Variants in ITPR1 observed in about 807,000 individuals in gnomAD.
The protein encoded by ITPR1 is inositol 1,4,5-trisphosphate-gated calcium channel ITPR1.
In ITPR1, 96 loss-of-function variants were observed where a neutral mutation model predicts 318.4. That is an observed-to-expected ratio of 0.30 (90% confidence interval 0.26 to 0.36). The LOEUF is 0.36. Among genes scored for constraint, ITPR1 ranks in the 10% least tolerant of loss-of-function variants. ITPR1 has a pLI of 1.00. For missense variants in ITPR1, 2,440 were observed against 3,460.2 expected (o/e 0.71, Z 7.40); for synonymous variants, 1,312 against 1,289.9 (o/e 1.02, Z -0.37).
At chr3:4,622,433 T>G (rs1419484533) in intron 4 of ITPR1, among the ~76,000 whole-genome samples, 2 of 150,758 alleles carry the variant, frequency 1.3e-5, no homozygotes, top group African/African-American at 4.9e-5. Flanking sequence ...TTTCTTTCTT[T>G]CTTTATTTTG....
chr3:4,705,633 A>T (rs139080010), intron 36 of ITPR1, among the ~76,000 whole-genome samples: 388 of 152,232 alleles, frequency 2.5e-3, no homozygotes, highest in Middle Eastern at 0.01. Flanking sequence ...GGTTTGACTG[A>T]TGTTTGTCTC....
intron 44 of ITPR1, among the ~76,000 whole-genome samples, chr3:4,739,994 A>G (rs2043582170): frequency 2.0e-5 from 3 of 152,218 alleles, no homozygotes. Context: ...AGTGGAAGCT[A>G]CTAGCCTTTT....
intron 4 of ITPR1, among the ~76,000 whole-genome samples, chr3:4,539,689 G>T (rs1463995354): frequency 6.6e-6 from 1 of 152,266 alleles, no homozygotes; most frequent in Non-Finnish European, 1.5e-5. Context: ...TGGACTAATG[G>T]ATTTAATGGG....
intron 40 of ITPR1, 118 bp downstream of exon 40, chr3:4,717,517 T>C: frequency 2.3e-6 from 2 of 856,800 alleles, no homozygotes; most frequent in Non-Finnish European, 3.9e-6. Context: ...TGGCTTTGTG[T>C]GGTGTGCCCT....
At chr3:4,709,394 T>G (rs1358937414) in intron 37 of ITPR1, among the ~76,000 whole-genome samples, 4 of 152,244 alleles carry the variant, frequency 2.6e-5, no homozygotes, top group Non-Finnish European at 5.9e-5. Context: ...GTCATTAGTT[T>G]CTGGATGAAA....
At position 4,688,528 on chromosome 3, in the gene ITPR1, T is replaced by C. The variant is rs776280909; in HGVS notation, c.3736T>C (p.Leu1246=). The C allele has an allele frequency of 6.2e-7, 1 of 1,613,944 alleles. No homozygotes were observed. Among genetic ancestry groups the C allele is most frequent in the South Asian group, 1.1e-5 (1 of 91,086 alleles). ...EDTKMQEIMR[L]AHEFLQNFCA... ...TACCAAGATGCAAGAGATAATGAGGTTGGCTCATGAATTTTTGCAGAATTT... is the reference window on the plus strand; with the variant it reads ...TACCAAGATGCAAGAGATAATGAGGCTGGCTCATGAATTTTTGCAGAATTT... Residue 1246 remains leucine, a synonymous_variant, in exon 31 of 62, where the codon TTG becomes CTG. Transcript: ENST00000649015.
chr3:4,674,849 T>G (rs1346560758), intron 22 of ITPR1, among the ~76,000 whole-genome samples: 1 of 151,960 alleles, frequency 6.6e-6, no homozygotes, highest in African/African-American at 2.4e-5. Flanking sequence ...TTTTTTTTTT[T>G]TGATTAGTCA....
chr3:4,768,234 G>A, intron 45 of ITPR1: 3 of 337,058 alleles, frequency 8.9e-6, no homozygotes, highest in Non-Finnish European at 1.6e-5. Context: ...CAGAACCTTA[G>A]ATGTGTGAGG....
intron 30 of ITPR1, 81 bp from the exon 31 acceptor site, chr3:4,688,414 G>C (rs1282775942): frequency 6.4e-7 from 1 of 1,552,228 alleles, no homozygotes; most frequent in Non-Finnish European, 8.8e-7. Flanking sequence ...TGACTCCCAC[G>C]TTAGCAGGAG....
chr3:4,610,731 C>G (rs968777328), intron 4 of ITPR1, among the ~76,000 whole-genome samples: 2 of 152,138 alleles, frequency 1.3e-5, no homozygotes, highest in Non-Finnish European at 2.9e-5. Flanking sequence ...GCAGGGCATT[C>G]TCATTTTTTT....
chr3:4,622,905 A>G (rs1351506757), intron 4 of ITPR1, among the ~76,000 whole-genome samples: 1 of 152,228 alleles, frequency 6.6e-6, no homozygotes, highest in African/African-American at 2.4e-5. Context: ...AACATACAAA[A>G]CAGACAGAAG....
chr3:4,510,924 C>A (rs986231144), intron 2 of ITPR1, among the ~76,000 whole-genome samples: 46 of 152,170 alleles, frequency 3.0e-4, no homozygotes, highest in African/African-American at 1.0e-3. Flanking sequence ...CAGGCAAGGG[C>A]CCTGTGGCAG....
At chr3:4,734,021 C>A (rs1208871852) in intron 43 of ITPR1, among the ~76,000 whole-genome samples, 2 of 152,178 alleles carry the variant, frequency 1.3e-5, no homozygotes, top group Non-Finnish European at 2.9e-5. Flanking sequence ...CCATGTATAG[C>A]ACAGAAATAC....
chr3:4,760,830 C>G (rs1220515513), intron 44 of ITPR1, among the ~76,000 whole-genome samples: 2 of 152,216 alleles, frequency 1.3e-5, no homozygotes, highest in South Asian at 2.1e-4. Flanking sequence ...AGCGAAGGCT[C>G]CTTGTAATTA....
At chr3:4,684,188 C>T in intron 28 of ITPR1, 93 bp from the exon 29 acceptor site, 2 of 804,258 alleles carry the variant, frequency 2.5e-6, no homozygotes, top group Admixed American at 2.0e-5. Context: ...GTATAGAACT[C>T]CCTTTCTTTC....
intron 2 of ITPR1, among the ~76,000 whole-genome samples, chr3:4,515,813 T>C (rs1235155696): frequency 4.6e-5 from 7 of 152,176 alleles, no homozygotes; most frequent in African/African-American, 1.4e-4. Flanking sequence ...CTGGGCCAGG[T>C]ACTGTCTAAA....
intron 4 of ITPR1, among the ~76,000 whole-genome samples, chr3:4,601,889 G>T (rs1272150393): frequency 6.6e-6 from 1 of 152,158 alleles, no homozygotes; most frequent in Non-Finnish European, 1.5e-5. Flanking sequence ...ATAGGAAAAA[G>T]ATTTGAATAG....
chr3:4,509,673 G>A (rs1049037742), intron 2 of ITPR1, among the ~76,000 whole-genome samples: 5 of 152,154 alleles, frequency 3.3e-5, no homozygotes, highest in Admixed American at 1.3e-4. Flanking sequence ...GGTACGCACC[G>A]GTAGTTCTAG....
At chr3:4,688,369 T>C (rs1459092612) in intron 30 of ITPR1, 126 bp from the exon 31 acceptor site, 3 of 1,111,218 alleles carry the variant, frequency 2.7e-6, no homozygotes. Flanking sequence ...AGCCCCTCAA[T>C]ATTTACCCAC....
Sources: allele counts gnomAD v4.1 joint callset (sites outside exome capture counted in the v4.1 genomes callset), GRCh38; gene constraint gnomAD v4.1.1; transcripts MANE v1.5; gene names NCBI Gene and HGNC (gene_info 2026-07-23, HGNC 2026-07-21).